The following TRIP4 variants were observed in gnomAD, a reference collection of about 807,000 sequenced individuals.
The protein encoded by TRIP4 is activating signal cointegrator 1.
In TRIP4, 54 loss-of-function variants were observed where a neutral mutation model predicts 81.8. That is an observed-to-expected ratio of 0.66 (90% confidence interval 0.53 to 0.83). TRIP4 has a LOEUF of 0.83. Ranked by LOEUF, TRIP4 falls within the 40% of genes least tolerant of loss-of-function variation. The pLI is 0.00. For synonymous variants in TRIP4, 270 were observed against 242.8 expected, an observed-to-expected ratio of 1.11 and a Z score of -1.04; for missense variants, 662 against 683.6, an observed-to-expected ratio of 0.97 and a Z score of 0.35.
intron 11 of TRIP4, among the ~76,000 whole-genome samples, chr15:64,442,079 T>TG (rs1052742554): frequency 6.6e-6 from 1 of 151,384 alleles, no homozygotes; most frequent in African/African-American, 2.4e-5. Flanking sequence ...AGAGAGGAAA[T>TG]GGGGGGCCAG....
intron 8 of TRIP4, among the ~76,000 whole-genome samples, chr15:64,417,319 T>C (rs745958669): frequency 6.6e-6 from 1 of 152,042 alleles, no homozygotes; most frequent in Non-Finnish European, 1.5e-5. Flanking sequence ...GCCCTTATTA[T>C]TATTTTTAAA....
intron 11 of TRIP4, among the ~76,000 whole-genome samples, chr15:64,437,887 G>A (rs1237285524): frequency 6.6e-6 from 1 of 152,194 alleles, no homozygotes; most frequent in Non-Finnish European, 1.5e-5. Context: ...AATTATGGTT[G>A]TCCAGGTGAG....
At chr15:64,436,411 G>A (rs1892399823) in intron 11 of TRIP4, among the ~76,000 whole-genome samples, 1 of 151,532 alleles carries the variant, frequency 6.6e-6, no homozygotes, top group Non-Finnish European at 1.5e-5. Flanking sequence ...GGGCAGCATG[G>A]TGAAACCCTG....
intron 11 of TRIP4, among the ~76,000 whole-genome samples, chr15:64,431,409 T>C (rs1892269044): frequency 6.6e-6 from 1 of 152,086 alleles, no homozygotes; most frequent in Non-Finnish European, 1.5e-5. Flanking sequence ...TCTTGAAGAC[T>C]GGAACATTGA....
chr15:64,449,127 G>A (rs1367535600), intron 12 of TRIP4, among the ~76,000 whole-genome samples: 1 of 151,644 alleles, frequency 6.6e-6, no homozygotes, highest in Non-Finnish European at 1.5e-5. Flanking sequence ...CAGAAATATT[G>A]CTTGAGCCCA....
Position 64,445,069 on chromosome 15 carries a change from A to G in TRIP4, c.1639A>G (p.Met547Val), listed in dbSNP as rs759384826. 2.5e-6 allele frequency: 4 copies of G among 1,607,620 alleles called. No homozygotes were observed. Among genetic ancestry groups the G allele is most frequent in the Non-Finnish European group, 3.4e-6 (4 of 1,175,862 alleles). ...TTTCATCTGCAAAAATCCTCAGGAA[A>G]TGGTTGTGAAGTTTCCTATTAAAGG... The part of the protein sequence containing the change: ...FVFICKNPQE[M>V]VVKFPIKGNP... The change falls in exon 12 of 13, where the codon ATG becomes GTG. Residue 547 changes from methionine (M) to valine (V), a missense_variant. Physicochemically the swap from Met to Val is conservative, Grantham distance 21. Coordinates refer to ENST00000261884, the MANE Select transcript of TRIP4 (RefSeq NM_016213.5).
At chr15:64,417,861 C>G (rs1381809493) in intron 8 of TRIP4, among the ~76,000 whole-genome samples, 2 of 152,184 alleles carry the variant, frequency 1.3e-5, no homozygotes, top group African/African-American at 4.8e-5. Context: ...TTTCATTTAG[C>G]TCACAGAATT....
At chr15:64,398,181 G>A (rs141885676) in intron 4 of TRIP4, among the ~76,000 whole-genome samples, 45 of 152,176 alleles carry the variant, frequency 3.0e-4, no homozygotes, top group African/African-American at 1.0e-3. Context: ...GATTACAGGC[G>A]TCAGCCACCG....
intron 12 of TRIP4, among the ~76,000 whole-genome samples, chr15:64,446,831 G>T (rs940798521): frequency 2.0e-5 from 3 of 151,790 alleles, no homozygotes; most frequent in Non-Finnish European, 4.4e-5. Context: ...TGGGCCGGGC[G>T]TGGTGGCTCA....
chr15:64,421,668 T>TA (rs1172507706), intron 9 of TRIP4, among the ~76,000 whole-genome samples: 2 of 152,148 alleles, frequency 1.3e-5, no homozygotes, highest in African/African-American at 4.8e-5. Context: ...TAGATGTATT[T>TA]ACATACGCAA....
intron 11 of TRIP4, among the ~76,000 whole-genome samples, chr15:64,427,408 G>T (rs1056273007): frequency 6.6e-6 from 1 of 151,614 alleles, no homozygotes; most frequent in African/African-American, 2.4e-5. Flanking sequence ...TTGGAAACTG[G>T]GTCTCACTCT....
chr15:64,397,536 G>A, intron 3 of TRIP4, 70 bp from the exon 4 acceptor site: 3 of 1,500,276 alleles, frequency 2.0e-6, no homozygotes, highest in Non-Finnish European at 2.7e-6. Flanking sequence ...ACAGAACGGA[G>A]CATTTTCTCC....
intron 6 of TRIP4, among the ~76,000 whole-genome samples, chr15:64,408,286 T>G (rs1480894760): frequency 8.1e-6 from 1 of 124,146 alleles, no homozygotes; most frequent in Non-Finnish European, 1.7e-5. Context: ...TGAGATGGAG[T>G]CTTGCTCTGT....
At chr15:64,413,633 A>G (rs1891821113) in intron 7 of TRIP4, among the ~76,000 whole-genome samples, 1 of 151,980 alleles carries the variant, frequency 6.6e-6, no homozygotes, top group Non-Finnish European at 1.5e-5. Flanking sequence ...TCTATTGCCC[A>G]GGCTGGAGTG....
intron 12 of TRIP4, among the ~76,000 whole-genome samples, chr15:64,452,332 ATGATGCTCAAAGGAT>A (rs1892788981): frequency 6.6e-6 from 1 of 152,206 alleles, no homozygotes; most frequent in Admixed American, 6.5e-5. Context: ...GAGCTTCAAC[ATGATGCTCAAAGGAT>A]ATGCCTCATT....
chr15:64,443,762 C>T (rs1278670942), intron 11 of TRIP4, among the ~76,000 whole-genome samples: 4 of 152,072 alleles, frequency 2.6e-5, no homozygotes, highest in Admixed American at 1.3e-4. Context: ...TGGCTCTCTC[C>T]TATAATCCCA....
At chr15:64,407,486 T>C (rs1476996575) in intron 6 of TRIP4, among the ~76,000 whole-genome samples, 2 of 151,346 alleles carry the variant, frequency 1.3e-5, no homozygotes, top group African/African-American at 4.9e-5. Flanking sequence ...GCTAACACAG[T>C]GAAACCCCAT....
intron 11 of TRIP4, among the ~76,000 whole-genome samples, chr15:64,443,205 T>C (rs183875846): frequency 1.6e-4 from 25 of 152,100 alleles, no homozygotes; most frequent in Admixed American, 3.3e-4. Context: ...GAGAAATGAG[T>C]AGTAGCTGGA....
chr15:64,450,410 A>AG (rs1394303395), intron 12 of TRIP4, among the ~76,000 whole-genome samples: 71 of 150,614 alleles, frequency 4.7e-4, no homozygotes, highest in African/African-American at 1.7e-3. Flanking sequence ...AAAAAAAAAA[A>AG]AAAAGAAAGA....
Sources: allele counts gnomAD v4.1 joint callset (sites outside exome capture counted in the v4.1 genomes callset), GRCh38; gene constraint gnomAD v4.1.1; transcripts MANE v1.5; gene names NCBI Gene and HGNC (gene_info 2026-07-23, HGNC 2026-07-21).